Variants in RNF41 observed in about 807,000 individuals in gnomAD.
RNF41 encodes ring finger protein 41, also known as E3 ubiquitin-protein ligase NRDP1.
Under a neutral mutation model 33.0 loss-of-function variants are expected in RNF41, and 4 were observed. That is an observed-to-expected ratio of 0.12 (90% CI 0.06 to 0.28). The LOEUF is 0.28. RNF41 is among the 10% of genes least tolerant of loss of function. RNF41 has a pLI of 1.00. For missense variants in RNF41, 228 were observed against 432.6 expected (o/e 0.53, Z 4.19); for synonymous variants, 164 against 153.2 (o/e 1.07, Z -0.52).
At chr12:56,219,239 T>A (rs1355839263) in intron 1 of RNF41, among the ~76,000 whole-genome samples, 1 of 151,394 alleles carries the variant, frequency 6.6e-6, no homozygotes, top group Non-Finnish European at 1.5e-5. Flanking sequence ...TCACCCAGGC[T>A]GGAGTGCAGT....
rs1868250072 is a variant in RNF41 at position 56,205,383 on chromosome 12, T to C, written c.*1064A>G. The C allele has an allele frequency of 6.6e-6, 1 of 151,168 alleles. No homozygotes were observed. Among genetic ancestry groups the C allele is most frequent in the African/African-American group, 2.4e-5 (1 of 41,048 alleles). 9.4% of individuals were successfully genotyped at this position (151,168 alleles called of 1,614,324 possible). ...AGGTTGTGCTGAAAAGGAAAAAATA[T>C]AAAACACACCCCCATCCCTGTCCCA... On this transcript the variant is annotated 3_prime_UTR_variant, in exon 7 of 7. Transcript: ENST00000345093.
intron 3 of RNF41, chr12:56,213,171 A>G: frequency 8.0e-7 from 1 of 1,245,978 alleles, no homozygotes; most frequent in Non-Finnish European, 1.0e-6. Flanking sequence ...AAAATAGGTC[A>G]GTACATACAG....
At chr12:56,212,127 A>G (rs1164962957) in intron 3 of RNF41, among the ~76,000 whole-genome samples, 1 of 152,232 alleles carries the variant, frequency 6.6e-6, no homozygotes, top group Non-Finnish European at 1.5e-5. Context: ...TCATATATAC[A>G]TATGTATACA....
chr12:56,206,733 G>C lies in RNF41; in HGVS notation c.668C>G (p.Ala223Gly). ...GCGCTTGATTACAGCCTGGAGCACAGCATCAGGAGTCGAGATCATCCCTCC... is the reference window on the plus strand; with the variant it reads ...GCGCTTGATTACAGCCTGGAGCACACCATCAGGAGTCGAGATCATCCCTCC... The part of the protein sequence containing the change: ...RWGGMISTPD[A>G]VLQAVIKRSL... Residue 223 changes from alanine to glycine, a missense_variant, in exon 7 of 7, where the codon GCT becomes GGT. Physicochemically the swap from Ala to Gly is moderately conservative, Grantham distance 60. Around this residue, in one of 2 missense-constraint regions of RNF41, gnomAD observed 199 missense variants for 334.6 expected, o/e 0.59. Coordinates refer to ENST00000345093, the MANE Select transcript of RNF41 (RefSeq NM_005785.4). This position sits in a 1 kb window ranked among gnomAD's most constrained non-coding sequence, Gnocchi z 5.7. 1 of 1,614,170 alleles carries C rather than the reference G, an allele frequency of 6.2e-7. No homozygotes were observed. Among genetic ancestry groups the C allele is most frequent in the Non-Finnish European group, 8.5e-7 (1 of 1,180,026 alleles).
chr12:56,215,634 G>A (rs977450713), intron 2 of RNF41, among the ~76,000 whole-genome samples: 5 of 149,412 alleles, frequency 3.3e-5, no homozygotes, highest in African/African-American at 5.0e-5. Context: ...CAGGAGAATC[G>A]CTTGAACCCA....
chr12:56,217,954 AATTATT>A (rs111786006), intron 1 of RNF41, among the ~76,000 whole-genome samples: 6,237 of 151,914 alleles, frequency 0.041, 428 homozygotes, highest in African/African-American at 0.14. Flanking sequence ...CTTTCACATA[AATTATT>A]ATTATTATTT....
rs752633641 is a variant in RNF41, at chr12:56,205,221, C to T, written c.*1226G>A. The T allele has an allele frequency of 5.3e-5, 8 of 152,206 alleles. No individual in the cohort carries two copies. Among genetic ancestry groups the T allele is most frequent in the African/African-American group, 1.7e-4 (7 of 41,444 alleles). 9.4% of individuals were successfully genotyped at this position (152,206 alleles called of 1,614,324 possible). ...TAGGAGGAAATTTTTCCAGAGGGCA[C>T]AGGCATCGATGCTGGACTGTCATAT... is the stretch of plus-strand genomic sequence containing the variant. On this transcript the variant is annotated 3_prime_UTR_variant, in exon 7 of 7. Coordinates refer to ENST00000345093, the MANE Select transcript of RNF41 (RefSeq NM_005785.4).
At chr12:56,218,672 T>C (rs1005646157) in intron 1 of RNF41, among the ~76,000 whole-genome samples, 1 of 149,032 alleles carries the variant, frequency 6.7e-6, no homozygotes, top group East Asian at 1.9e-4. Flanking sequence ...TAATATAAGG[T>C]ATATATAATA....
At position 56,213,195 on chromosome 12, in the gene RNF41, A is replaced by G; in HGVS notation, c.90+763T>C. ...CAGTACATACAGTTCCCCACTTCCTATTTGTTTTTGTTTTTTTTTTTTTGA... is the reference window on the plus strand; with the variant it reads ...CAGTACATACAGTTCCCCACTTCCTGTTTGTTTTTGTTTTTTTTTTTTTGA... On this transcript the variant is annotated intron_variant, in intron 3 of 6. Transcript: ENST00000345093. The G allele has an allele frequency of 4.5e-6, 5 of 1,119,140 alleles. 1 individual carries two copies. In the South Asian group the frequency reaches 7.7e-5, roughly 17 times the overall value. The allele number at this position is 1,119,140 out of a possible 1,614,324, so 69.3% of individuals were successfully genotyped here. A position where few individuals can be genotyped will look rare whatever the true frequency, so the allele number is the denominator to read the frequency against.
chr12:56,212,012 G>T (rs1474049273), intron 3 of RNF41, among the ~76,000 whole-genome samples: 6 of 152,114 alleles, frequency 3.9e-5, no homozygotes, highest in African/African-American at 1.4e-4. Context: ...GGCCGGGCAT[G>T]GTGGCTCATG....
intron 4 of RNF41, among the ~76,000 whole-genome samples, chr12:56,209,169 T>G (rs963512663): frequency 6.6e-6 from 1 of 152,150 alleles, no homozygotes; most frequent in Admixed American, 6.5e-5. Context: ...GGGGCCTATT[T>G]ATTTATTTTG....
intron 4 of RNF41, chr12:56,210,036 A>C: frequency 2.0e-6 from 1 of 503,706 alleles, no homozygotes; most frequent in Non-Finnish European, 3.6e-6. Flanking sequence ...AAAGGGAAGA[A>C]TAGAGTCAAT....
intron 1 of RNF41, among the ~76,000 whole-genome samples, chr12:56,220,198 G>GGTTTT (rs928486718): frequency 2.0e-5 from 3 of 151,918 alleles, no homozygotes; most frequent in African/African-American, 7.2e-5. Flanking sequence ...CTGAGGTCAG[G>GGTTTT]GTTTTGTTTT....
intron 1 of RNF41, among the ~76,000 whole-genome samples, chr12:56,220,221 G>A (rs951407789): frequency 4.0e-5 from 6 of 151,300 alleles, no homozygotes; most frequent in Admixed American, 2.0e-4. Flanking sequence ...TTTTTTTGGC[G>A]GGGGGTGTGG....
intron 1 of RNF41, among the ~76,000 whole-genome samples, chr12:56,220,209 G>GT (rs1265809500): frequency 1.0e-4 from 15 of 150,244 alleles, no homozygotes; most frequent in African/African-American, 1.7e-4. Context: ...GTTTTGTTTT[G>GT]TTTTTTTTGG....
chr12:56,215,653 A>AG (rs1868829066), intron 2 of RNF41, among the ~76,000 whole-genome samples: 1 of 136,988 alleles, frequency 7.3e-6, no homozygotes, highest in African/African-American at 2.7e-5. Flanking sequence ...CAGGAGGCGG[A>AG]GGTTGCAGTG....
rs1307198205 is a variant in RNF41 at position 56,206,674 on chromosome 12, C to G, written c.727G>C (p.Val243Leu). The G allele has an allele frequency of 1.2e-6, 2 of 1,614,106 alleles. No homozygotes were observed. Among genetic ancestry groups the G allele is most frequent in the Non-Finnish European group, 1.7e-6 (2 of 1,180,012 alleles). The part of the protein sequence containing the change: ...LVESGCPASI[V>L]NELIENAHER... ...TGGGCATTTTCAATCAGCTCGTTGACAATAGAAGCAGGACAGCCACTCTCC... is the reference window on the plus strand; with the variant it reads ...TGGGCATTTTCAATCAGCTCGTTGAGAATAGAAGCAGGACAGCCACTCTCC... The change falls in exon 7 of 7, where the codon GTC (valine) becomes CTC (leucine). Residue 243 changes from valine to leucine, a missense_variant. Physicochemically the swap from Val to Leu is conservative, Grantham distance 32. Transcript: ENST00000345093. This position sits in a 1 kb window ranked among gnomAD's most constrained non-coding sequence, Gnocchi z 5.7.
chr12:56,221,834 C>T lies in RNF41; in HGVS notation c.-283G>A, dbSNP rs1869481862. The T allele has an allele frequency of 6.6e-6, 1 of 152,516 alleles. No homozygotes were observed. The highest frequency in any genetic ancestry group is 6.5e-5 in the Admixed American group (1 of 15,290). 9.4% of individuals were successfully genotyped at this position (152,516 alleles called of 1,614,324 possible). On this transcript the variant is annotated 5_prime_UTR_variant, in exon 1 of 7. Coordinates refer to ENST00000345093, the MANE Select transcript of RNF41 (RefSeq NM_005785.4). ...AGGCCGCAGCGGCCACAGTACTGCC[C>T]TGGTGCCGGGTCCCAGCCTCTCCCG...
At chr12:56,214,121 T>A in intron 2 of RNF41, 51 bp from the exon 3 acceptor site, 1 of 941,540 alleles carries the variant, frequency 1.1e-6, no homozygotes, top group Non-Finnish European at 1.8e-6. Flanking sequence ...CCTACAAATA[T>A]GTGACAAACA....
Sources: gnomAD v4.1 joint callset for allele counts (sites outside exome capture counted in the v4.1 genomes callset) on GRCh38, gnomAD v4.1.1 for gene constraint, gnomAD v4.1.1 regional missense constraint, Gnocchi (gnomAD v3.1) non-coding constraint, MANE v1.5 for transcripts, NCBI Gene and HGNC (gene_info 2026-07-23, HGNC 2026-07-21) for gene names.